Variants in ASAP1 observed in about 807,000 individuals in gnomAD.
ASAP1 encodes ArfGAP with SH3 domain, ankyrin repeat and PH domain 1, also known as arf-GAP with SH3 domain, ANK repeat and PH domain-containing protein 1.
In ASAP1, 43 loss-of-function variants were observed where a neutral mutation model predicts 145.2. The observed-to-expected ratio is 0.30, with a 90% confidence interval of 0.23 to 0.38. The LOEUF (loss-of-function observed/expected upper bound fraction) is 0.38. Ranked by LOEUF, ASAP1 falls within the 10% of genes least tolerant of loss-of-function variation. The pLI is 1.00. For missense variants in ASAP1, 1,018 were observed against 1,355.3 expected (o/e 0.75, Z 3.91); for synonymous variants, 546 against 515.5 (o/e 1.06, Z -0.80).
chr8:130,216,007 AAGG>A lies in ASAP1; in HGVS notation c.260-1309_260-1307del, dbSNP rs766738269. On this transcript the variant is annotated intron_variant, in intron 4 of 29. Coordinates refer to ENST00000518721, the MANE Select transcript of ASAP1 (RefSeq NM_018482.4). ...AAGGAAAGGAAAGGAAAGGAAAGGA[AAGG>A]AAAGGAAAAAGGAAAGGAAAGGAAA... is the stretch of plus-strand genomic sequence containing the variant. Among the ~76,000 whole-genome samples the A allele has an allele frequency of 2.5e-3, 344 of 140,108 alleles. 1 individual carries two copies. Among genetic ancestry groups the A allele is most frequent in the African/African-American group, 8.7e-3 (331 of 37,886 alleles). 91.9% of individuals were successfully genotyped at this position (140,108 alleles called of 152,430 possible).
At chr8:130,102,836 C>T (rs1218827236) in intron 24 of ASAP1, among the ~76,000 whole-genome samples, 2 of 152,108 alleles carry the variant, frequency 1.3e-5, no homozygotes, top group Non-Finnish European at 2.9e-5. Context: ...CAGGTAGGTA[C>T]CACCGTGCCC....
intron 15 of ASAP1, among the ~76,000 whole-genome samples, chr8:130,131,664 C>T (rs1394757640): frequency 6.7e-6 from 1 of 149,014 alleles, no homozygotes; most frequent in Non-Finnish European, 1.5e-5. Context: ...GTGATGCGTG[C>T]TTATAGCACT....
chr8:130,400,464 CCT>C (rs1828735633), intron 2 of ASAP1, among the ~76,000 whole-genome samples: 1 of 151,146 alleles, frequency 6.6e-6, no homozygotes. Flanking sequence ...CATATCTCTA[CCT>C]CTCCCAAGAG....
intron 5 of ASAP1, chr8:130,208,691 C>T (rs1315573927): frequency 6.6e-6 from 1 of 152,158 alleles, no homozygotes; most frequent in Admixed American, 6.5e-5. Flanking sequence ...CAGATGTCAC[C>T]GCATTGGCTC....
At chr8:130,169,353 T>C (rs550831208) in intron 9 of ASAP1, among the ~76,000 whole-genome samples, 2 of 152,210 alleles carry the variant, frequency 1.3e-5, no homozygotes, top group African/African-American at 4.8e-5. Context: ...CCCAAAACAG[T>C]GATTTCATAA....
At chr8:130,434,156 A>G (rs1411427188) in intron 1 of ASAP1, among the ~76,000 whole-genome samples, 1 of 152,112 alleles carries the variant, frequency 6.6e-6, no homozygotes, top group Non-Finnish European at 1.5e-5. Context: ...TCTCTACTAA[A>G]AATACAAAAA....
intron 10 of ASAP1, among the ~76,000 whole-genome samples, chr8:130,168,443 AAGACT>A (rs1344848091): frequency 6.6e-6 from 1 of 152,172 alleles, no homozygotes; most frequent in African/African-American, 2.4e-5. Flanking sequence ...TCAGGAGTTC[AAGACT>A]AGTCTGGGCA....
chr8:130,173,210 G>A (rs1473427964), intron 9 of ASAP1, among the ~76,000 whole-genome samples: 1 of 152,206 alleles, frequency 6.6e-6, no homozygotes, highest in Non-Finnish European at 1.5e-5. Context: ...GAGCAGGAAA[G>A]GAGGACGAGT....
chr8:130,174,510 C>T (rs898873730), intron 9 of ASAP1, among the ~76,000 whole-genome samples: 4 of 152,292 alleles, frequency 2.6e-5, no homozygotes, highest in South Asian at 2.1e-4. Flanking sequence ...TACCAGTCAC[C>T]GCACTATTAT....
chr8:130,332,474 C>A (rs1438696993), intron 3 of ASAP1, among the ~76,000 whole-genome samples: 1 of 152,134 alleles, frequency 6.6e-6, no homozygotes, highest in Non-Finnish European at 1.5e-5. Context: ...TGTACACTGT[C>A]AAATAAAAAA....
At chr8:130,406,879 G>A (rs1829054922) in intron 1 of ASAP1, among the ~76,000 whole-genome samples, 1 of 152,140 alleles carries the variant, frequency 6.6e-6, no homozygotes. Flanking sequence ...TTATTTTTAT[G>A]ATGCTATTCC....
chr8:130,171,716 T>C (rs934454237), intron 9 of ASAP1, among the ~76,000 whole-genome samples: 5 of 152,196 alleles, frequency 3.3e-5, no homozygotes, highest in African/African-American at 7.2e-5. Context: ...CTAGACCTGA[T>C]AGTCAAAGCA....
intron 1 of ASAP1, among the ~76,000 whole-genome samples, chr8:130,427,514 C>T (rs1829966547): frequency 6.6e-6 from 1 of 152,158 alleles, no homozygotes; most frequent in African/African-American, 2.4e-5. Context: ...ACATACTTGG[C>T]CTATAAAATC....
chr8:130,194,782 G>C (rs1815368818), intron 5 of ASAP1, among the ~76,000 whole-genome samples: 1 of 152,138 alleles, frequency 6.6e-6, no homozygotes, highest in Admixed American at 6.5e-5. Flanking sequence ...ACAGGAGGTG[G>C]AGCTCAGGAG....
intron 3 of ASAP1, among the ~76,000 whole-genome samples, chr8:130,262,431 AG>A (rs1819983845): frequency 2.4e-5 from 3 of 123,910 alleles, no homozygotes; most frequent in Non-Finnish European, 5.0e-5. Context: ...AGAGAGAGAG[AG>A]AGAGAGAGAG....
chr8:130,293,778 T>C (rs1586770415), intron 3 of ASAP1, among the ~76,000 whole-genome samples: 1 of 152,218 alleles, frequency 6.6e-6, no homozygotes, highest in Admixed American at 6.5e-5. Flanking sequence ...ATGTCCCCTA[T>C]TGTCCAGCAC....
At chr8:130,114,042 A>G (rs991883941) in intron 23 of ASAP1, among the ~76,000 whole-genome samples, 9 of 152,268 alleles carry the variant, frequency 5.9e-5, no homozygotes, top group Middle Eastern at 3.4e-3. Flanking sequence ...TCACCCTCCC[A>G]AAGTGCTGGG....
chr8:130,247,380 A>T (rs1489971564), intron 3 of ASAP1, among the ~76,000 whole-genome samples: 1 of 152,170 alleles, frequency 6.6e-6, no homozygotes, highest in Non-Finnish European at 1.5e-5. Flanking sequence ...AGAAAATTGA[A>T]CATCAGAATG....
intron 14 of ASAP1, among the ~76,000 whole-genome samples, chr8:130,134,793 T>C (rs1009789794): frequency 6.6e-6 from 1 of 152,224 alleles, no homozygotes; most frequent in Non-Finnish European, 1.5e-5. Context: ...AATTCAGTAT[T>C]TTCTGTTTCA....
Sources: allele counts gnomAD v4.1 joint callset (sites outside exome capture counted in the v4.1 genomes callset), GRCh38; gene constraint gnomAD v4.1.1; transcripts MANE v1.5; gene names NCBI Gene and HGNC (gene_info 2026-07-23, HGNC 2026-07-21).